BICC1: variants seen among roughly 807,000 people sequenced by gnomAD.
BICC1 encodes protein bicaudal C homolog 1.
In BICC1, 43 loss-of-function variants were observed where a neutral mutation model predicts 111.0. The ratio of observed to expected loss-of-function variants is 0.39; its 90% CI spans 0.30 to 0.50. The LOEUF is 0.50. Ranked by LOEUF, BICC1 falls within the 20% of genes least tolerant of loss-of-function variation. The pLI, the probability that BICC1 is intolerant of heterozygous loss-of-function variation, is 0.88. For missense variants in BICC1, 1,091 were observed against 1,203.2 expected (o/e 0.91, Z 1.38); for synonymous variants, 467 against 434.4 (o/e 1.07, Z -0.93).
At chr10:58,566,186 GTA>G (rs531910384) in intron 1 of BICC1, among the ~76,000 whole-genome samples, 1 of 150,874 alleles carries the variant, frequency 6.6e-6, no homozygotes, top group Non-Finnish European at 1.5e-5. Flanking sequence ...ACACACGTGT[GTA>G]TATGTGTGTA....
At chr10:58,806,656 A>G (rs556377365) in intron 16 of BICC1, 33 bp downstream of exon 16, 18 of 1,539,946 alleles carry the variant, frequency 1.2e-5, no homozygotes, top group East Asian at 9.0e-5. Flanking sequence ...ACACTTGACT[A>G]TATTTTAGTA....
Position 58,799,581 on chromosome 10 carries a change from A to G in BICC1, c.1725+329A>G, listed in dbSNP as rs150850589. Among the ~76,000 whole-genome samples, 801 of 152,246 alleles carry G rather than the reference A, an allele frequency of 5.3e-3. 7 individuals carry two copies. The highest frequency in any genetic ancestry group is 0.018 in the African/African-American group (762 of 41,546). ...CTGTATATGGCTAGCCAGTTTTCCC[A>G]GCGCCAGTTATTGAACATGGATTCC... On this transcript the variant is annotated intron_variant, in intron 12 of 20. Coordinates refer to ENST00000373886, the MANE Select transcript of BICC1 (RefSeq NM_001080512.3).
intron 1 of BICC1, among the ~76,000 whole-genome samples, chr10:58,564,841 G>T (rs913776834): frequency 1.3e-5 from 2 of 152,004 alleles, no homozygotes; most frequent in African/African-American, 4.8e-5. Flanking sequence ...ATTTATTTTG[G>T]CAATAAGTTA....
At chr10:58,692,814 A>G (rs1270614738) in intron 2 of BICC1, among the ~76,000 whole-genome samples, 1 of 148,446 alleles carries the variant, frequency 6.7e-6, no homozygotes, top group Admixed American at 6.7e-5. Context: ...TTGTGGCATC[A>G]CTTCCTCAGG....
At chr10:58,702,040 A>G (rs1225564606) in intron 2 of BICC1, 34 bp from the exon 3 acceptor site, 3 of 1,536,834 alleles carry the variant, frequency 2.0e-6, no homozygotes, top group Non-Finnish European at 2.7e-6. Flanking sequence ...CAAGTTTTTA[A>G]TTGAGTCAAT....
At position 58,614,054 on chromosome 10, in the gene BICC1, C is replaced by T. The variant is rs571781260; in HGVS notation, c.191-6801C>T. Among the ~76,000 whole-genome samples, 12 of 152,218 alleles carry T rather than the reference C, an allele frequency of 7.9e-5. 1 individual carries two copies. The South Asian group carries it at 2.5e-3, about 32-fold the overall frequency. On this transcript the variant is annotated intron_variant, in intron 1 of 20. Coordinates refer to ENST00000373886, the MANE Select transcript of BICC1 (RefSeq NM_001080512.3). ...AGTGATACCCTTTTCCCCAATCTCT[C>T]ACTTCTTGGAAAGACTTTATATTTT...
intron 1 of BICC1, among the ~76,000 whole-genome samples, chr10:58,564,524 A>G (rs1843698412): frequency 6.6e-6 from 1 of 152,170 alleles, no homozygotes; most frequent in Non-Finnish European, 1.5e-5. Context: ...GATTTTTTGA[A>G]CTTCATGACA....
chr10:58,663,233 A>C (rs1838901957), intron 2 of BICC1, among the ~76,000 whole-genome samples: 1 of 151,540 alleles, frequency 6.6e-6, no homozygotes, highest in Admixed American at 6.6e-5. Flanking sequence ...TACCTGGCTA[A>C]TTTTTTTATT....
intron 8 of BICC1, among the ~76,000 whole-genome samples, chr10:58,790,290 A>G (rs977625966): frequency 3.3e-5 from 5 of 152,276 alleles, no homozygotes; most frequent in Non-Finnish European, 7.4e-5. Flanking sequence ...AAAAAAAAAA[A>G]AAGTCCTCTG....
chr10:58,813,908 C>G lies in BICC1; in HGVS notation c.2455C>G (p.Arg819Gly), dbSNP rs1843997098. ...GGSESDNWRDRNGIGPGSHSE... is the reference protein window; with the variant it reads ...GGSESDNWRDGNGIGPGSHSE... ...AAGCGAATCTGATAACTGGAGAGAC[C>G]GAAATGGAATTGGACCTGGAAGTCA... Residue 819 changes from arginine to glycine, a missense_variant, in exon 18 of 21, where the codon CGA becomes GGA. Arg to Gly is a moderately radical substitution (Grantham distance 125). Around this residue, in one of 3 missense-constraint regions of BICC1, gnomAD observed 231 missense variants for 256.2 expected, o/e 0.90. Coordinates refer to ENST00000373886, the MANE Select transcript of BICC1 (RefSeq NM_001080512.3). The G allele has an allele frequency of 1.2e-6, 2 of 1,613,848 alleles. No homozygotes were observed. Among genetic ancestry groups the G allele is most frequent in the Admixed American group, 1.7e-5 (1 of 59,980 alleles).
In BICC1 at chr10:58,817,642, T is replaced by C; in HGVS notation, c.2614T>C (p.Ser872Pro). 6.2e-7 allele frequency: 1 copy of C among 1,613,500 alleles called. No homozygotes were observed. The highest frequency in any genetic ancestry group is 8.5e-7 in the Non-Finnish European group (1 of 1,179,642). ...TGSNGCNLNS[S>P]FKGSDLPELF... is the part of the protein sequence containing the mutation. ...AAGCAATGGCTGTAACTTAAATAGC[T>C]CTTTCAAAGGTTCTGACCTCCCTGA... The change falls in exon 19 of 21, where the codon TCT becomes CCT. Residue 872 changes from serine to proline, a missense_variant. By Grantham distance (74) the Ser-to-Pro change is moderately conservative (BLOSUM62 -1). Transcript: ENST00000373886.
intron 10 of BICC1, among the ~76,000 whole-genome samples, chr10:58,797,324 T>C (rs1296831510): frequency 6.6e-6 from 1 of 152,218 alleles, no homozygotes; most frequent in Non-Finnish European, 1.5e-5. Flanking sequence ...CTCAGCAGTC[T>C]TTAAAATTTT....
At chr10:58,623,270 T>C (rs934932422) in intron 2 of BICC1, among the ~76,000 whole-genome samples, 12 of 152,180 alleles carry the variant, frequency 7.9e-5, no homozygotes, top group Non-Finnish European at 1.8e-4. Flanking sequence ...AAAATAAGAA[T>C]TGGTATATTT....
rs58331997 is a variant in BICC1 at position 58,610,616 on chromosome 10, T to C, written c.191-10239T>C. Among the ~76,000 whole-genome samples, 383 of 87,302 alleles carry C rather than the reference T, an allele frequency of 4.4e-3. 6 individuals are homozygous for C. The highest frequency in any genetic ancestry group is 0.014 in the African/African-American group (368 of 26,682). The allele number at this position is 87,302 out of a possible 152,430, so 57.3% of individuals were successfully genotyped here. On this transcript the variant is annotated intron_variant, in intron 1 of 20. Transcript: ENST00000373886. ...TGCCATGGATAATCTATCTAGCTCT[T>C]TTTTTTTTTTATTCTGAGCCATAGA... is the stretch of plus-strand genomic sequence containing the variant.
At chr10:58,513,475 G>A (rs1842153983) in intron 1 of BICC1, 142 bp downstream of exon 1, 4 of 767,516 alleles carry the variant, frequency 5.2e-6, no homozygotes, top group Non-Finnish European at 5.9e-6. Context: ...CGGAGCCGGA[G>A]GACACCCAGG....
chr10:58,671,703 T>C (rs73294139), intron 2 of BICC1, among the ~76,000 whole-genome samples: 2,435 of 152,198 alleles, frequency 0.016, 77 homozygotes, highest in African/African-American at 0.056. Context: ...CTTGTTAGAA[T>C]TGATACTTCT....
chr10:58,570,532 A>C (rs1843915762), intron 1 of BICC1, among the ~76,000 whole-genome samples: 1 of 152,174 alleles, frequency 6.6e-6, no homozygotes, highest in Non-Finnish European at 1.5e-5. Context: ...AAGTGAAACT[A>C]TTCATAACAG....
intron 19 of BICC1, among the ~76,000 whole-genome samples, chr10:58,818,322 G>A (rs939389522): frequency 6.6e-6 from 1 of 152,062 alleles, no homozygotes; most frequent in African/African-American, 2.4e-5. Context: ...TTATGTACTG[G>A]CATAAAGAAA....
chr10:58,714,175 A>G (rs548529004), intron 3 of BICC1, among the ~76,000 whole-genome samples: 14 of 152,350 alleles, frequency 9.2e-5, no homozygotes, highest in African/African-American at 3.4e-4. Context: ...AGGATAGCAT[A>G]GCACTGGATT....
Sources: allele counts gnomAD v4.1 joint callset (sites outside exome capture counted in the v4.1 genomes callset), GRCh38; gene constraint gnomAD v4.1.1; regional missense constraint gnomAD v4.1.1; transcripts MANE v1.5; gene names NCBI Gene and HGNC (gene_info 2026-07-23, HGNC 2026-07-21).